Variants in CARMIL1 observed in about 807,000 individuals in gnomAD.
The protein encoded by CARMIL1 is capping protein regulator and myosin 1 linker 1, also known as F-actin-uncapping protein LRRC16A.
CARMIL1 carries 90 observed loss-of-function variants against 177.1 expected under a neutral mutation model. That is an observed-to-expected ratio of 0.51 (90% CI 0.43 to 0.61). CARMIL1 has a LOEUF of 0.61. Among genes scored for constraint, CARMIL1 ranks in the 20% least tolerant of loss-of-function variants. CARMIL1 has a pLI of 0.00. For synonymous variants in CARMIL1, 577 were observed against 606.2 expected (o/e 0.95, Z 0.71); for missense variants, 1,380 against 1,667.0 (o/e 0.83, Z 3.00).
rs545151136 is a variant in CARMIL1, at chr6:25,533,471, G to T, written c.2068-4384G>T. On this transcript the variant is annotated intron_variant, in intron 24 of 36. Transcript: ENST00000329474. ...CCCATCTATGAAGGTGATGTAAAGA[G>T]TAACTGAGATAATGCTTGAAAAGTA... 2.6e-4 allele frequency among the ~76,000 whole-genome samples: 40 copies of T among 152,304 alleles called. 1 individual carries two copies. The South Asian group carries it at 7.3e-3, about 28-fold the overall frequency.
At chr6:25,459,277 T>TCTTTCTTCCTTTCTTCC (rs1450322009) in intron 8 of CARMIL1, among the ~76,000 whole-genome samples, 1 of 139,594 alleles carries the variant, frequency 7.2e-6, no homozygotes, top group African/African-American at 2.6e-5. Context: ...TTTTTTTTTT[T>TCTTTCTTCCTTTCTTCC]TTTAAGACAG....
chr6:25,410,614 T>G (rs1794817972), intron 2 of CARMIL1, among the ~76,000 whole-genome samples: 1 of 152,162 alleles, frequency 6.6e-6, no homozygotes, highest in Non-Finnish European at 1.5e-5. Context: ...AGGGGACTTT[T>G]GCGCCCTAGG....
intron 23 of CARMIL1, among the ~76,000 whole-genome samples, chr6:25,525,637 A>C (rs1807020587): frequency 6.6e-6 from 1 of 152,312 alleles, no homozygotes; most frequent in East Asian, 1.9e-4. Context: ...AATAATGATA[A>C]CCACAATGTA....
intron 2 of CARMIL1, among the ~76,000 whole-genome samples, chr6:25,412,946 G>A (rs114434859): frequency 0.011 from 1,683 of 152,224 alleles, 42 homozygotes; most frequent in African/African-American, 0.038. Flanking sequence ...TACTTTTTTG[G>A]TGTTCCTTTT....
At chr6:25,441,363 GTGTGTGTGTCTA>G (rs1370530938) in intron 5 of CARMIL1, among the ~76,000 whole-genome samples, 346 of 145,110 alleles carry the variant, frequency 2.4e-3, no homozygotes, top group African/African-American at 8.6e-3. Flanking sequence ...GTGTGTGTGT[GTGTGTGTGTCTA>G]TGTGTGTGTG....
At chr6:25,597,123 G>A (rs1333395296) in intron 32 of CARMIL1, among the ~76,000 whole-genome samples, 1 of 152,118 alleles carries the variant, frequency 6.6e-6, no homozygotes, top group Non-Finnish European at 1.5e-5. Context: ...AGAAGTGAAA[G>A]GAGAATTGAG....
intron 25 of CARMIL1, 84 bp downstream of exon 25, chr6:25,538,067 T>C: frequency 7.0e-7 from 1 of 1,428,304 alleles, no homozygotes; most frequent in Admixed American, 2.3e-5. Context: ...GTTTCAACTT[T>C]CTCTCTCTAC....
intron 8 of CARMIL1, among the ~76,000 whole-genome samples, chr6:25,465,318 C>T (rs1800504622): frequency 6.6e-6 from 1 of 151,942 alleles, no homozygotes; most frequent in African/African-American, 2.4e-5. Context: ...TCTTTGAGCC[C>T]AAGAGTTTGA....
chr6:25,429,823 C>T (rs1796582531), intron 4 of CARMIL1, among the ~76,000 whole-genome samples: 1 of 150,750 alleles, frequency 6.6e-6, no homozygotes, highest in Non-Finnish European at 1.5e-5. Context: ...GGATAAGTCT[C>T]ATTTGGCCAT....
intron 27 of CARMIL1, among the ~76,000 whole-genome samples, chr6:25,553,466 T>C (rs1163667606): frequency 1.3e-5 from 2 of 152,222 alleles, no homozygotes; most frequent in Non-Finnish European, 1.5e-5. Flanking sequence ...CAAATTTTAG[T>C]AACCTCTCTT....
chr6:25,454,383 A>G (rs1268131038), intron 8 of CARMIL1, among the ~76,000 whole-genome samples: 4 of 152,234 alleles, frequency 2.6e-5, no homozygotes, highest in African/African-American at 7.2e-5. Context: ...GAGTATTGCT[A>G]TGTTCTGATA....
At chr6:25,430,050 T>C (rs893551687) in intron 4 of CARMIL1, among the ~76,000 whole-genome samples, 2 of 152,088 alleles carry the variant, frequency 1.3e-5, no homozygotes, top group Admixed American at 1.3e-4. Context: ...TTCACCATGT[T>C]GGCCAGGATG....
At chr6:25,293,733 C>T (rs998795276) in intron 2 of CARMIL1, among the ~76,000 whole-genome samples, 9 of 151,948 alleles carry the variant, frequency 5.9e-5, no homozygotes, top group Admixed American at 5.9e-4. Flanking sequence ...CTTCCCCCTT[C>T]CTCTTCCCTT....
At chr6:25,528,459 G>A (rs1039698180) in intron 23 of CARMIL1, among the ~76,000 whole-genome samples, 2 of 152,218 alleles carry the variant, frequency 1.3e-5, no homozygotes, top group Non-Finnish European at 2.9e-5. Flanking sequence ...AAATTCATGT[G>A]AGAGAAGGAT....
intron 2 of CARMIL1, among the ~76,000 whole-genome samples, chr6:25,311,839 A>G (rs977065082): frequency 1.2e-4 from 18 of 152,220 alleles, no homozygotes; most frequent in Non-Finnish European, 5.9e-5. Context: ...GTGATCTCCA[A>G]GGTGATTTTG....
chr6:25,304,379 C>T (rs999305536), intron 2 of CARMIL1, among the ~76,000 whole-genome samples: 1 of 152,204 alleles, frequency 6.6e-6, no homozygotes, highest in African/African-American at 2.4e-5. Context: ...CAGCCGTCCC[C>T]AACCTTTTTG....
At chr6:25,557,151 G>A (rs1483679729) in intron 29 of CARMIL1, among the ~76,000 whole-genome samples, 3 of 152,036 alleles carry the variant, frequency 2.0e-5, no homozygotes, top group Non-Finnish European at 2.9e-5. Flanking sequence ...TTATAAATAA[G>A]CCATTAAAAA....
At chr6:25,312,041 C>T (rs1268258353) in intron 2 of CARMIL1, among the ~76,000 whole-genome samples, 1 of 152,198 alleles carries the variant, frequency 6.6e-6, no homozygotes, top group African/African-American at 2.4e-5. Flanking sequence ...AAATATTGTC[C>T]TGTGCTCATG....
chr6:25,364,176 C>T (rs896112916), intron 2 of CARMIL1, among the ~76,000 whole-genome samples: 1 of 152,102 alleles, frequency 6.6e-6, no homozygotes, highest in East Asian at 1.9e-4. Flanking sequence ...AACTCCTGGG[C>T]TCAAGTGACC....
Sources: gnomAD v4.1 joint callset for allele counts (sites outside exome capture counted in the v4.1 genomes callset) on GRCh38, gnomAD v4.1.1 for gene constraint, MANE v1.5 for transcripts, NCBI Gene and HGNC (gene_info 2026-07-23, HGNC 2026-07-21) for gene names.